Variants in TYRP1 observed in about 807,000 individuals in gnomAD.
TYRP1 encodes the protein 5,6-dihydroxyindole-2-carboxylic acid oxidase.
In TYRP1, 49 loss-of-function variants were observed where a neutral mutation model predicts 42.8. That is an observed-to-expected ratio of 1.14 (90% CI 0.91 to 1.45). The LOEUF is 1.45. Ranked by LOEUF, TYRP1 falls within the 40% of genes most tolerant of loss-of-function variation. The probability of loss-of-function intolerance (pLI) is 0.00; values close to 1 mark genes in which losing one functional copy is unlikely to be tolerated. For synonymous variants in TYRP1, 279 were observed against 235.4 expected (o/e 1.19, Z -1.69); for missense variants, 848 against 662.0 (o/e 1.28, Z -3.08).
rs1272197968 is a variant in TYRP1 at position 12,695,696 on chromosome 9, T to C, written c.567T>C (p.Val189=). The change falls in exon 3 of 8, where the codon GTT becomes GTC. Residue 189 remains valine (V), a synonymous_variant. Transcript: ENST00000388918. ...FENISIYNYF[V]WTHYYSVKKT... is the part of the protein sequence containing the mutation. Reference sequence around the variant, plus strand: ...ACATTTCCATTTATAACTACTTTGTTTGGACACACTATTACTCAGTCAAAA... The same window carrying C: ...ACATTTCCATTTATAACTACTTTGTCTGGACACACTATTACTCAGTCAAAA... 3.1e-6 allele frequency: 5 copies of C among 1,614,184 alleles called. No homozygotes were observed. The East Asian group carries it at 8.9e-5, about 29-fold the overall frequency.
At chr9:12,707,406 A>G (rs780027448) in intron 6 of TYRP1, among the ~76,000 whole-genome samples, 3 of 152,046 alleles carry the variant, frequency 2.0e-5, no homozygotes, top group South Asian at 2.1e-4. Context: ...GATAAAATTG[A>G]CAATAACCAT....
rs553738168 is a variant in TYRP1 at position 12,695,567 on chromosome 9, G to T, written c.438G>T (p.Arg146=). 3 of 1,614,098 alleles carry T rather than the reference G, an allele frequency of 1.9e-6. No homozygotes were observed. The South Asian group carries it at 3.3e-5, about 18-fold the overall frequency. ...AAGAAGAAAAGAACCACTTTGTCCG[G>T]GCCCTGGATATGGCAAAGCGCACAA... ...LSKEEKNHFV[R]ALDMAKRTTH... The change falls in exon 3 of 8, where the codon CGG becomes CGT. Residue 146 remains arginine, a synonymous_variant. Coordinates refer to ENST00000388918, the MANE Select transcript of TYRP1 (RefSeq NM_000550.3).
In TYRP1 at chr9:12,702,414, A is replaced by G; in HGVS notation, c.1057A>G (p.Asn353Asp). 1 of 1,612,596 alleles carries G rather than the reference A, an allele frequency of 6.2e-7. No individual in the cohort carries two copies. Among genetic ancestry groups the G allele is most frequent in the Non-Finnish European group, 8.5e-7 (1 of 1,179,056 alleles). ...GCCTCCTTTTTATTCCAACTCTACA[A>G]ACAGTTTCCGAAACACAGTGGAAGG... ...DTPPFYSNST[N>D]SFRNTVEGYS... Residue 353 changes from asparagine to aspartate, a missense_variant, in exon 5 of 8, where the codon AAC becomes GAC. Asn to Asp is a conservative substitution (Grantham distance 23, BLOSUM62 1). Coordinates refer to ENST00000388918, the MANE Select transcript of TYRP1 (RefSeq NM_000550.3).
chr9:12,698,763 A>G (rs1818119189), intron 4 of TYRP1, 108 bp downstream of exon 4: 3 of 1,060,108 alleles, frequency 2.8e-6, no homozygotes, highest in Non-Finnish European at 4.2e-6. Context: ...ACTAAAATCT[A>G]CTTTTATTAT....
chr9:12,694,093 G>T lies in TYRP1; in HGVS notation c.97G>T (p.Val33Phe), dbSNP rs751396808. The change falls in exon 2 of 8, where the codon GTT becomes TTT. Residue 33 changes from valine to phenylalanine, a missense_variant. By Grantham distance (50) the Val-to-Phe change is conservative. Coordinates refer to ENST00000388918, the MANE Select transcript of TYRP1 (RefSeq NM_000550.3). ...RAQFPRQCAT[V>F]EALRSGMCCP... The stretch of plus-strand genomic sequence containing the variant: ...TCAATTCCCAAGACAGTGTGCCACT[G>T]TTGAGGCTTTGAGAAGTGGTATGTG... The T allele has an allele frequency of 2.0e-5, 33 of 1,613,970 alleles. No homozygotes were observed. Among genetic ancestry groups the T allele is most frequent in the Middle Eastern group, 1.6e-4 (1 of 6,084 alleles).
At chr9:12,696,771 G>C (rs1818085764) in intron 3 of TYRP1, among the ~76,000 whole-genome samples, 1 of 152,020 alleles carries the variant, frequency 6.6e-6, no homozygotes, top group Admixed American at 6.6e-5. Context: ...AGTTTAAGTT[G>C]TTAGATCTCA....
intron 6 of TYRP1, among the ~76,000 whole-genome samples, chr9:12,707,079 C>T (rs1818270412): frequency 6.6e-6 from 1 of 151,958 alleles, no homozygotes; most frequent in Admixed American, 6.6e-5. Context: ...TATTTACTAA[C>T]ATTTCTGATC....
At chr9:12,700,298 C>T (rs1818144991) in intron 4 of TYRP1, 1 of 151,892 alleles carries the variant, frequency 6.6e-6, no homozygotes, top group African/African-American at 2.4e-5. Context: ...TAGATAAAAC[C>T]TTCTTTCTTT....
In TYRP1 at chr9:12,695,868, C is replaced by G. The variant is rs374560367; in HGVS notation, c.708+31C>G. ...TAAGAAGCATTTCAGTTTGCAGACT[C>G]TTTACAGACAAGATGCCTTGTTTGT... On this transcript the variant is annotated intron_variant, in intron 3 of 7. Transcript: ENST00000388918. 76 of 1,602,030 alleles carry G rather than the reference C, an allele frequency of 4.7e-5. No homozygotes were observed. In the South Asian group the frequency reaches 7.8e-4, roughly 16 times the overall value.
intron 4 of TYRP1, among the ~76,000 whole-genome samples, chr9:12,699,565 C>T (rs1402038397): frequency 3.3e-5 from 5 of 151,856 alleles, no homozygotes; most frequent in Admixed American, 2.6e-4. Context: ...AAGAAATACT[C>T]TAAATAAATC....
chr9:12,696,518 A>C (rs1818081621), intron 3 of TYRP1, among the ~76,000 whole-genome samples: 1 of 152,098 alleles, frequency 6.6e-6, no homozygotes, highest in Non-Finnish European at 1.5e-5. Context: ...AAATATGTAA[A>C]ATTTGAAAAA....
chr9:12,696,492 C>T (rs1311711501), intron 3 of TYRP1, among the ~76,000 whole-genome samples: 1 of 151,858 alleles, frequency 6.6e-6, no homozygotes, highest in Non-Finnish European at 1.5e-5. Context: ...TATCAAAGCA[C>T]CATGTTGTAC....
rs1443390802 is a variant in TYRP1, at chr9:12,693,497, A to G, written c.-86+19A>G. On this transcript the variant is annotated intron_variant, in intron 1 of 7. Coordinates refer to ENST00000388918, the MANE Select transcript of TYRP1 (RefSeq NM_000550.3). ...TTGTGAGGTACTGGAAAGAAGTCCTATGGGGAGTGGGTGGACACGTGCCAA... is the reference window on the plus strand; with the variant it reads ...TTGTGAGGTACTGGAAAGAAGTCCTGTGGGGAGTGGGTGGACACGTGCCAA... 1.2e-5 allele frequency: 2 copies of G among 165,720 alleles called. No homozygotes were observed. The highest frequency in any genetic ancestry group is 2.4e-5 in the African/African-American group (1 of 41,488). 10.3% of individuals were successfully genotyped at this position (165,720 alleles called of 1,614,324 possible).
In TYRP1 at chr9:12,695,690, CTTTG is replaced by C. The variant is rs762177594; in HGVS notation, c.566_569del (p.Val189GlyfsTer14). 7 of 1,614,078 alleles carry C rather than the reference CTTTG, an allele frequency of 4.3e-6. No individual in the cohort carries two copies. The South Asian group carries it at 5.5e-5, about 13-fold the overall frequency. On this transcript the variant is annotated frameshift_variant, in exon 3 of 8. Transcript: ENST00000388918. LOFTEE classifies it high-confidence loss of function. ...TTGAGAACATTTCCATTTATAACTA[CTTTG>C]TTTGGACACACTATTACTCAGTCAA...
chr9:12,708,269 C>CTT (rs1563858181), intron 7 of TYRP1, 126 bp downstream of exon 7: 3 of 1,192,714 alleles, frequency 2.5e-6, no homozygotes, highest in Non-Finnish European at 3.6e-6. Context: ...TTCATTTGTA[C>CTT]TTTTATTTGA....
At chr9:12,708,740 G>C (rs1818303274) in intron 7 of TYRP1, among the ~76,000 whole-genome samples, 1 of 151,926 alleles carries the variant, frequency 6.6e-6, no homozygotes, top group Non-Finnish European at 1.5e-5. Context: ...AAGTGACTCA[G>C]ACTCATTGAG....
Position 12,709,814 on chromosome 9 carries a change from G to GA in TYRP1, c.*636dup, listed in dbSNP as rs544701949. 309 of 153,042 alleles carry GA rather than the reference G, an allele frequency of 2.0e-3. No homozygotes were observed. The highest frequency in any genetic ancestry group is 6.9e-3 in the African/African-American group (288 of 41,500). 9.5% of individuals were successfully genotyped at this position (153,042 alleles called of 1,614,324 possible). On this transcript the variant is annotated 3_prime_UTR_variant, in exon 8 of 8. Transcript: ENST00000388918. ...CCATCTTTGTCAAACTTTGGAGAGG[G>GA]AAAATCTTCACTTTCTTAAGCAACA...
At chr9:12,697,653 G>T (rs756013441) in intron 3 of TYRP1, among the ~76,000 whole-genome samples, 3 of 152,096 alleles carry the variant, frequency 2.0e-5, no homozygotes, top group South Asian at 4.1e-4. Context: ...AGGCACCAAA[G>T]AAATGAGAAA....
intron 4 of TYRP1, among the ~76,000 whole-genome samples, chr9:12,701,012 G>A (rs1818158536): frequency 6.6e-6 from 1 of 152,004 alleles, no homozygotes; most frequent in Non-Finnish European, 1.5e-5. Flanking sequence ...AGGAATATGA[G>A]TTGAAGTTGT....
Sources: allele counts gnomAD v4.1 joint callset (sites outside exome capture counted in the v4.1 genomes callset), GRCh38; gene constraint gnomAD v4.1.1; transcripts MANE v1.5; gene names NCBI Gene and HGNC (gene_info 2026-07-23, HGNC 2026-07-21).